Variants in RB1 observed in about 807,000 individuals in gnomAD.
The protein encoded by RB1 is retinoblastoma-associated protein.
RB1 carries 18 observed loss-of-function variants against 135.4 expected under a neutral mutation model. That is an observed-to-expected ratio of 0.13 (90% confidence interval 0.09 to 0.20). RB1 has a LOEUF of 0.20. RB1 is among the 10% of genes least tolerant of loss of function. The pLI is 1.00. For missense variants in RB1, 868 were observed against 1,110.0 expected (o/e 0.78, Z 3.10); for synonymous variants, 365 against 373.2 (o/e 0.98, Z 0.25).
intron 2 of RB1, chr13:48,318,021 G>T: frequency 2.0e-6 from 1 of 505,692 alleles, no homozygotes; most frequent in South Asian, 1.8e-5. Flanking sequence ...TCGTCAGACA[G>T]GGAGCCGGGG....
chr13:48,426,229 T>C (rs1949077561), intron 17 of RB1, among the ~76,000 whole-genome samples: 2 of 152,206 alleles, frequency 1.3e-5, no homozygotes, highest in Non-Finnish European at 2.9e-5. Context: ...TCTAAAAAGA[T>C]ACTATTATAG....
At chr13:48,351,964 A>T (rs1314152510) in intron 6 of RB1, among the ~76,000 whole-genome samples, 3 of 152,066 alleles carry the variant, frequency 2.0e-5, no homozygotes, top group Non-Finnish European at 4.4e-5. Context: ...ATGAGCCACC[A>T]CACCTGGCCT....
chr13:48,467,256 A>G (rs1234561148), intron 23 of RB1, among the ~76,000 whole-genome samples: 128 of 125,920 alleles, frequency 1.0e-3, no homozygotes, highest in African/African-American at 3.5e-3. Flanking sequence ...CCAATATTCA[A>G]CATTCTTAAA....
At chr13:48,315,590 A>G (rs1038542451) in intron 2 of RB1, among the ~76,000 whole-genome samples, 5 of 152,042 alleles carry the variant, frequency 3.3e-5, no homozygotes, top group African/African-American at 1.2e-4. Context: ...GAGCATCCTT[A>G]TTTTGTTCTG....
chr13:48,364,548 G>T (rs1393215871), intron 8 of RB1, among the ~76,000 whole-genome samples: 1 of 151,918 alleles, frequency 6.6e-6, no homozygotes, highest in Non-Finnish European at 1.5e-5. Context: ...TTATTGGTTG[G>T]CTTCCAGTCA....
chr13:48,343,538 T>C (rs1952465816), intron 3 of RB1, among the ~76,000 whole-genome samples: 1 of 152,188 alleles, frequency 6.6e-6, no homozygotes. Context: ...ATGACATAAA[T>C]AGTTCATAGA....
chr13:48,429,647 T>C (rs932656194), intron 17 of RB1: 1 of 152,144 alleles, frequency 6.6e-6, no homozygotes, highest in Non-Finnish European at 1.5e-5. Context: ...GAATACACTT[T>C]TTGTGTTTTT....
chr13:48,464,484 A>G (rs1172286597), intron 21 of RB1, among the ~76,000 whole-genome samples: 1 of 152,222 alleles, frequency 6.6e-6, no homozygotes, highest in African/African-American at 2.4e-5. Flanking sequence ...ATTTGAGTGA[A>G]ATCTAACTAT....
chr13:48,405,717 G>A (rs887042306), intron 17 of RB1, among the ~76,000 whole-genome samples: 20 of 152,032 alleles, frequency 1.3e-4, no homozygotes, highest in South Asian at 2.1e-4. Flanking sequence ...TCCCAAAGTC[G>A]TAACTATACA....
chr13:48,363,972 A>C (rs189116272), intron 8 of RB1, among the ~76,000 whole-genome samples: 245 of 152,318 alleles, frequency 1.6e-3, no homozygotes, highest in African/African-American at 5.6e-3. Flanking sequence ...AAAAAATGTT[A>C]CATCTTTGAA....
At chr13:48,428,437 G>C (rs1288118784) in intron 17 of RB1, among the ~76,000 whole-genome samples, 2 of 150,932 alleles carry the variant, frequency 1.3e-5, no homozygotes, top group African/African-American at 4.9e-5. Context: ...TTCAACACGA[G>C]TCATCTTCTA....
intron 8 of RB1, 92 bp downstream of exon 8, chr13:48,363,049 GT>G (rs936824283): frequency 4.2e-5 from 62 of 1,475,704 alleles, no homozygotes; most frequent in Admixed American, 7.9e-5. Context: ...TTATGAGCAT[GT>G]TTTTTTTGTA....
intron 2 of RB1, among the ~76,000 whole-genome samples, chr13:48,337,257 C>T (rs1387912338): frequency 6.6e-6 from 1 of 152,182 alleles, no homozygotes; most frequent in Non-Finnish European, 1.5e-5. Context: ...ACTCATTGAA[C>T]TGTCTAATGT....
At chr13:48,459,588 C>A in intron 19 of RB1, 100 bp from the exon 20 acceptor site, 2 of 1,246,040 alleles carry the variant, frequency 1.6e-6, no homozygotes, top group Non-Finnish European at 2.4e-6. Flanking sequence ...TAAAATGCTA[C>A]TTAACAGCAT....
chr13:48,437,287 G>T (rs2138295713), intron 17 of RB1, among the ~76,000 whole-genome samples: 1 of 152,226 alleles, frequency 6.6e-6, no homozygotes, highest in Middle Eastern at 3.4e-3. Context: ...GAAAACTACT[G>T]CCCAAGTCCT....
intron 17 of RB1, among the ~76,000 whole-genome samples, chr13:48,437,321 G>A (rs1193091900): frequency 6.6e-6 from 1 of 152,102 alleles, no homozygotes; most frequent in Non-Finnish European, 1.5e-5. Context: ...GCTTTAGAAA[G>A]AAATATACAT....
At chr13:48,406,224 A>G (rs1265326584) in intron 17 of RB1, among the ~76,000 whole-genome samples, 1 of 151,944 alleles carries the variant, frequency 6.6e-6, no homozygotes, top group Non-Finnish European at 1.5e-5. Flanking sequence ...TGTGTGTGTT[A>G]GATATTGCCA....
chr13:48,317,127 C>G, intron 2 of RB1: 2 of 910,468 alleles, frequency 2.2e-6, no homozygotes, highest in Non-Finnish European at 3.0e-6. Context: ...AAAGACAGGG[C>G]TGGGCCCGGC....
chr13:48,397,868 A>G (rs565383004), intron 17 of RB1, among the ~76,000 whole-genome samples: 17 of 152,280 alleles, frequency 1.1e-4, no homozygotes, highest in African/African-American at 4.1e-4. Context: ...GTGGCTCTGA[A>G]AAAACCAAAA....
Sources: gnomAD v4.1 joint callset for allele counts (sites outside exome capture counted in the v4.1 genomes callset) on GRCh38, gnomAD v4.1.1 for gene constraint, MANE v1.5 for transcripts, NCBI Gene and HGNC (gene_info 2026-07-23, HGNC 2026-07-21) for gene names.